Variants in GABPB2 observed in about 807,000 individuals in gnomAD.
The protein encoded by GABPB2 is GA binding protein transcription factor subunit beta 2, also known as GA-binding protein subunit beta-2.
Under a neutral mutation model 39.1 loss-of-function variants are expected in GABPB2, and 23 were observed. That is an observed-to-expected ratio of 0.59 (90% CI 0.42 to 0.83). The LOEUF is 0.83. GABPB2 is among the 40% of genes least tolerant of loss of function. The pLI is 0.00. For missense variants in GABPB2, 467 were observed against 541.1 expected, an observed-to-expected ratio of 0.86 and a Z score of 1.36; for synonymous variants, 184 against 199.3, an observed-to-expected ratio of 0.92 and a Z score of 0.65.
intron 7 of GABPB2, among the ~76,000 whole-genome samples, chr1:151,109,278 G>A (rs1198681585): frequency 6.8e-6 from 1 of 147,272 alleles, no homozygotes; most frequent in Non-Finnish European, 1.5e-5. Flanking sequence ...TTTTGACTTG[G>A]CTTAAATGAT....
At chr1:151,073,908 GTCTCTGGC>G (rs906938348) in intron 1 of GABPB2, among the ~76,000 whole-genome samples, 2 of 150,546 alleles carry the variant, frequency 1.3e-5, no homozygotes, top group African/African-American at 4.9e-5. Flanking sequence ...GACAGAGCAA[GTCTCTGGC>G]TAAAAAAGAA....
chr1:151,073,788 C>T (rs587676273), intron 1 of GABPB2, among the ~76,000 whole-genome samples: 56 of 151,710 alleles, frequency 3.7e-4, no homozygotes, highest in African/African-American at 1.2e-3. Flanking sequence ...GGCATGGTGG[C>T]GTGCATCTGT....
intron 2 of GABPB2, 180 bp downstream of exon 2, chr1:151,088,477 A>G: frequency 7.5e-7 from 1 of 1,342,108 alleles, no homozygotes; most frequent in South Asian, 1.3e-5. Context: ...TAGTTTTCCA[A>G]ATTGAGAGTC....
intron 5 of GABPB2, among the ~76,000 whole-genome samples, chr1:151,102,072 G>A (rs1679570679): frequency 6.6e-6 from 1 of 152,160 alleles, no homozygotes; most frequent in African/African-American, 2.4e-5. Flanking sequence ...TATAATCCCA[G>A]CACTTTGGGA....
At position 151,086,978 on chromosome 1, in the gene GABPB2, C is replaced by T. The variant is rs1196379278; in HGVS notation, c.1-1212C>T. Among the ~76,000 whole-genome samples, 4 of 152,192 alleles carry T rather than the reference C, an allele frequency of 2.6e-5. No homozygotes were observed. The East Asian group carries it at 7.7e-4, about 29-fold the overall frequency. Reference sequence around the variant, plus strand: ...CAAGCAATTGTCCTGCCTCAGCCTCCCAAGTAGCTGGGTCTACAGGCATGT... The same window carrying T: ...CAAGCAATTGTCCTGCCTCAGCCTCTCAAGTAGCTGGGTCTACAGGCATGT... On this transcript the variant is annotated intron_variant, in intron 1 of 8. Coordinates refer to ENST00000368918, the MANE Select transcript of GABPB2 (RefSeq NM_144618.3).
rs587676450 is a variant in GABPB2, at chr1:151,108,730, C to A, written c.922+1508C>A. Among the ~76,000 whole-genome samples, 4 of 152,170 alleles carry A rather than the reference C, an allele frequency of 2.6e-5. No homozygotes were observed. In the East Asian group the frequency reaches 5.8e-4, roughly 22 times the overall value. ...TTACATTAGTTGCTTCCAGGGAGGG[C>A]AATTGGGTACTAAGGATGAGTGGGA... On this transcript the variant is annotated intron_variant, in intron 7 of 8. Transcript: ENST00000368918.
intron 5 of GABPB2, among the ~76,000 whole-genome samples, chr1:151,103,080 C>T (rs150764836): frequency 0.011 from 1,407 of 122,636 alleles, 40 homozygotes; most frequent in African/African-American, 0.041. Context: ...GAAGGAGTCT[C>T]GCTCTGTCGC....
At chr1:151,099,763 G>A (rs1326707865) in intron 5 of GABPB2, among the ~76,000 whole-genome samples, 10 of 152,166 alleles carry the variant, frequency 6.6e-5, no homozygotes, top group African/African-American at 2.4e-4. Flanking sequence ...ATAATTATTG[G>A]TTGACTAGCT....
chr1:151,110,134 T>C lies in GABPB2; in HGVS notation c.922+2912T>C, dbSNP rs916037285. Among the ~76,000 whole-genome samples, 5 of 149,236 alleles carry C rather than the reference T, an allele frequency of 3.4e-5. No homozygotes were observed. In the Admixed American group the frequency reaches 3.4e-4, roughly 10 times the overall value. ...GCCTTGGCCTCCCAAAGTGCTGGGATTACAGGTGTGAGTCACGACCCCTGG... is the reference window on the plus strand; with the variant it reads ...GCCTTGGCCTCCCAAAGTGCTGGGACTACAGGTGTGAGTCACGACCCCTGG... On this transcript the variant is annotated intron_variant, in intron 7 of 8. Coordinates refer to ENST00000368918, the MANE Select transcript of GABPB2 (RefSeq NM_144618.3).
intron 1 of GABPB2, among the ~76,000 whole-genome samples, chr1:151,078,942 G>C (rs1677422752): frequency 6.6e-6 from 1 of 151,998 alleles, no homozygotes; most frequent in South Asian, 2.1e-4. Flanking sequence ...AAAGTGCTGG[G>C]ATTACAGTCG....
At position 151,090,536 on chromosome 1, in the gene GABPB2, C is replaced by A; in HGVS notation, c.239C>A (p.Ala80Asp). The A allele has an allele frequency of 6.2e-7, 1 of 1,613,978 alleles. No homozygotes were observed. The highest frequency in any genetic ancestry group is 1.1e-5 in the South Asian group (1 of 91,080). Residue 80 changes from alanine to aspartate, a missense_variant, in exon 3 of 9, where the codon GCC (alanine) becomes GAC (aspartate). By Grantham distance (126) the Ala-to-Asp change is moderately radical (BLOSUM62 -2). Transcript: ENST00000368918. ...AGGACCCCCTTGCACATGGCTGCAG[C>A]CGATGGACATGCGCACATCGTGGAA... ...VDRTPLHMAA[A>D]DGHAHIVELL...
At position 151,090,271 on chromosome 1, in the gene GABPB2, A is replaced by AT. The variant is rs1263544312; in HGVS notation, c.109-129dup. ...TGGCCTTTAATTTGTAAATTTAAGCATTTTTTCAGTTTTATCTGCCCAACC... is the reference window on the plus strand; with the variant it reads ...TGGCCTTTAATTTGTAAATTTAAGCATTTTTTTCAGTTTTATCTGCCCAACC... On this transcript the variant is annotated intron_variant, in intron 2 of 8. Transcript: ENST00000368918. The AT allele has an allele frequency of 8.3e-5, 68 of 820,286 alleles. 1 individual carries two copies. The South Asian group carries it at 1.1e-3, about 14-fold the overall frequency. 50.8% of individuals were successfully genotyped at this position (820,286 alleles called of 1,614,324 possible). A position where few individuals can be genotyped will look rare whatever the true frequency, so the allele number is the denominator to read the frequency against.
intron 4 of GABPB2, among the ~76,000 whole-genome samples, chr1:151,096,299 G>A (rs931110510): frequency 2.6e-5 from 4 of 152,022 alleles, no homozygotes; most frequent in Middle Eastern, 3.4e-3. Context: ...GGCAGCGTGC[G>A]CCTATAGTCC....
chr1:151,082,057 C>T (rs1032836235), intron 1 of GABPB2, among the ~76,000 whole-genome samples: 1 of 150,876 alleles, frequency 6.6e-6, no homozygotes, highest in Non-Finnish European at 1.5e-5. Context: ...AAAAACTTGA[C>T]AAGTGGTAAT....
At chr1:151,112,641 G>T in intron 7 of GABPB2, 2 of 176,698 alleles carry the variant, frequency 1.1e-5, no homozygotes, top group South Asian at 1.4e-4. Flanking sequence ...GCACCTGGCC[G>T]ACTATGCTGG....
At chr1:151,071,624 C>A (rs1020684992) in intron 1 of GABPB2, among the ~76,000 whole-genome samples, 9 of 152,064 alleles carry the variant, frequency 5.9e-5, no homozygotes, top group African/African-American at 2.2e-4. Context: ...CGTGCGCCAC[C>A]ATGCATGGCT....
intron 7 of GABPB2, among the ~76,000 whole-genome samples, chr1:151,115,652 C>T (rs903080629): frequency 6.6e-6 from 1 of 151,976 alleles, no homozygotes. Context: ...CTGCCTGCCT[C>T]GACCCCCCAA....
chr1:151,107,361 G>C, intron 7 of GABPB2, 139 bp downstream of exon 7: 7 of 410,596 alleles, frequency 1.7e-5, no homozygotes, highest in Non-Finnish European at 1.6e-5. Flanking sequence ...CTCTGAAAAA[G>C]AAAAAGAAAC....
At position 151,122,174 on chromosome 1, in the gene GABPB2, A is replaced by C. The variant is rs587724112; in HGVS notation, c.*3918A>C. On this transcript the variant is annotated 3_prime_UTR_variant, in exon 9 of 9. Coordinates refer to ENST00000368918, the MANE Select transcript of GABPB2 (RefSeq NM_144618.3). Reference sequence around the variant, plus strand: ...TTAGAGATTTATAGGCAAAAATATCAGTTTGGAAATTAACCTTGGCTACTG... The same window carrying C: ...TTAGAGATTTATAGGCAAAAATATCCGTTTGGAAATTAACCTTGGCTACTG... 10 of 152,302 alleles carry C rather than the reference A, an allele frequency of 6.6e-5. No homozygotes were observed. The highest frequency in any genetic ancestry group is 2.4e-4 in the African/African-American group (10 of 41,578). The allele number at this position is 152,302 out of a possible 1,614,324, so 9.4% of individuals were successfully genotyped here.
Sources: allele counts gnomAD v4.1 joint callset (sites outside exome capture counted in the v4.1 genomes callset), GRCh38; gene constraint gnomAD v4.1.1; transcripts MANE v1.5; gene names NCBI Gene and HGNC (gene_info 2026-07-23, HGNC 2026-07-21).